The following PRKDC variants were observed in gnomAD, a reference collection of about 807,000 sequenced individuals.
PRKDC encodes DNA-dependent protein kinase catalytic subunit.
Under a neutral mutation model 486.9 loss-of-function variants are expected in PRKDC, and 82 were observed. The observed-to-expected ratio is 0.17, with a 90% confidence interval of 0.14 to 0.20. The LOEUF is 0.20. PRKDC is among the 10% of genes least tolerant of loss of function. The probability of loss-of-function intolerance (pLI) is 1.00; values close to 1 mark genes in which losing one functional copy is unlikely to be tolerated. For missense variants in PRKDC, 4,504 were observed against 5,038.2 expected (o/e 0.89, Z 3.21); for synonymous variants, 1,895 against 1,837.0 (o/e 1.03, Z -0.81).
At chr8:47,903,949 C>T (rs2089728292) in intron 26 of PRKDC, among the ~76,000 whole-genome samples, 1 of 152,184 alleles carries the variant, frequency 6.6e-6, no homozygotes, top group Non-Finnish European at 1.5e-5. Context: ...TTCAGTCACT[C>T]TCCCCTACCC....
intron 62 of PRKDC, 113 bp downstream of exon 62, chr8:47,828,055 T>G: frequency 9.7e-7 from 1 of 1,032,502 alleles, no homozygotes; most frequent in Non-Finnish European, 1.4e-6. Context: ...CATCTTACTC[T>G]GTTAAACACC....
rs570140547 is a variant in PRKDC at position 47,779,028 on chromosome 8, A to C, written c.11555T>G (p.Val3852Gly). The C allele has an allele frequency of 1.1e-5, 17 of 1,601,026 alleles. No homozygotes were observed. The highest frequency in any genetic ancestry group is 1.4e-5 in the Non-Finnish European group (16 of 1,173,276). The change falls in exon 81 of 86, where the codon GTT (valine) becomes GGT (glycine). Residue 3852 changes from valine (V) to glycine (G), a missense_variant. Val to Gly is a moderately radical substitution (Grantham distance 109, BLOSUM62 -3). This residue lies in a region of PRKDC where 706 missense variants were observed against 945.0 expected (regional missense o/e 0.75). Coordinates refer to ENST00000314191, the MANE Select transcript of PRKDC (RefSeq NM_006904.7). ...CTTATACATTAGCATGTAAGCTCCA[A>C]CATCATGTTTTCCTGACATTTTTGT... ...WLTKMSGKHD[V>G]GAYMLMYKGA... is the part of the protein sequence containing the mutation.
In PRKDC at chr8:47,879,526, G is replaced by C; in HGVS notation, c.5200C>G (p.Pro1734Ala). The change falls in exon 39 of 86, where the codon CCG (proline) becomes GCG (alanine). Residue 1734 changes from proline (P) to alanine (A), a missense_variant. Pro to Ala is a conservative substitution (Grantham distance 27, BLOSUM62 -1). Transcript: ENST00000314191. ...CAGTCCACATAATTATTGAACCGCG[G>C]AGTTCCTGGAGGAAATTCCCTGGAC... Reference protein sequence around the residue: ...MQSREFPPGTPRFNNYVDCMK... With the variant: ...MQSREFPPGTARFNNYVDCMK... 1 of 1,597,784 alleles carries C rather than the reference G, an allele frequency of 6.3e-7. No homozygotes were observed. The highest frequency in any genetic ancestry group is 8.5e-7 in the Non-Finnish European group (1 of 1,171,724).
At chr8:47,893,038 G>A in intron 31 of PRKDC, 101 bp downstream of exon 31, 8 of 1,386,582 alleles carry the variant, frequency 5.8e-6, no homozygotes, top group Non-Finnish European at 7.6e-6. Context: ...GTGGTGCACA[G>A]CACCTACCAT....
Position 47,953,798 on chromosome 8 carries a change from T to G in PRKDC, c.621+9A>C. 6.4e-7 allele frequency: 1 copy of G among 1,572,324 alleles called. No homozygotes were observed. The highest frequency in any genetic ancestry group is 1.2e-5 in the South Asian group (1 of 85,948). On this transcript the variant is annotated intron_variant, in intron 6 of 85. Coordinates refer to ENST00000314191, the MANE Select transcript of PRKDC (RefSeq NM_006904.7). ...CTATGGAAGCAGAATGTCATAAAGT[T>G]CATCATACCTGGGTCTTAAGTTCAC... is the stretch of plus-strand genomic sequence containing the variant.
intron 58 of PRKDC, among the ~76,000 whole-genome samples, chr8:47,835,584 C>G (rs1291549895): frequency 7.4e-6 from 1 of 135,230 alleles, no homozygotes; most frequent in Non-Finnish European, 1.5e-5. Flanking sequence ...GCCACTCACT[C>G]CAGCTCCAGC....
chr8:47,880,101 G>A (rs2089180030), intron 38 of PRKDC, among the ~76,000 whole-genome samples: 1 of 152,032 alleles, frequency 6.6e-6, no homozygotes. Flanking sequence ...CACCTGCCTT[G>A]GCCTCCCAAA....
Position 47,888,501 on chromosome 8 carries a change from C to A in PRKDC, c.4413+17G>T. 2 of 1,484,216 alleles carry A rather than the reference C, an allele frequency of 1.3e-6. No individual in the cohort carries two copies. The highest frequency in any genetic ancestry group is 1.4e-5 in the South Asian group (1 of 70,718). The allele number at this position is 1,484,216 out of a possible 1,614,324, so 91.9% of individuals were successfully genotyped here. On this transcript the variant is annotated intron_variant, in intron 34 of 85. Coordinates refer to ENST00000314191, the MANE Select transcript of PRKDC (RefSeq NM_006904.7). ...ACTAAAGCTAAAATAAATGTAAAAACAATAAGTTATAGTTACCTGAGACGG... is the reference window on the plus strand; with the variant it reads ...ACTAAAGCTAAAATAAATGTAAAAAAAATAAGTTATAGTTACCTGAGACGG...
intron 7 of PRKDC, among the ~76,000 whole-genome samples, chr8:47,950,756 G>A (rs2090614586): frequency 6.6e-6 from 1 of 152,210 alleles, no homozygotes; most frequent in Admixed American, 6.5e-5. Context: ...ACTGAGGTGG[G>A]AGGGTCACTT....
chr8:47,823,982 A>G lies in PRKDC; in HGVS notation c.8798T>C (p.Ile2933Thr), dbSNP rs1202641087. ...WVELAKLYRS[I>T]GEYDVLRGIF... Reference sequence around the variant, plus strand: ...CCCACGGAGGACGTCGTATTCTCCAATTGATCTATACAGCCTACAAAACAA... The same window carrying G: ...CCCACGGAGGACGTCGTATTCTCCAGTTGATCTATACAGCCTACAAAACAA... The change falls in exon 64 of 86, where the codon ATT becomes ACT. Residue 2933 changes from isoleucine to threonine, a missense_variant. Ile to Thr is a moderately conservative substitution (Grantham distance 89). Around this residue, in one of 6 missense-constraint regions of PRKDC, gnomAD observed 1,592 missense variants for 1,724.6 expected, o/e 0.92. Transcript: ENST00000314191. The G allele has an allele frequency of 6.2e-7, 1 of 1,612,792 alleles. No individual in the cohort carries two copies. The highest frequency in any genetic ancestry group is 8.5e-7 in the Non-Finnish European group (1 of 1,179,176).
intron 34 of PRKDC, among the ~76,000 whole-genome samples, chr8:47,888,170 A>G (rs1002063129): frequency 6.6e-6 from 1 of 152,282 alleles, no homozygotes; most frequent in Admixed American, 6.5e-5. Flanking sequence ...GAGCCACTGT[A>G]TCTGGCTCAA....
At chr8:47,905,006 C>G in intron 25 of PRKDC, 30 bp from the exon 26 acceptor site, 1 of 1,479,674 alleles carries the variant, frequency 6.8e-7, no homozygotes, top group South Asian at 1.2e-5. Flanking sequence ...AAAGTTAATT[C>G]CCTTCATGTT....
intron 32 of PRKDC, among the ~76,000 whole-genome samples, chr8:47,889,425 G>C (rs990570041): frequency 6.6e-6 from 1 of 152,230 alleles, no homozygotes; most frequent in Non-Finnish European, 1.5e-5. Flanking sequence ...TGATAAGAAA[G>C]CAGCACAGAC....
intron 50 of PRKDC, 121 bp from the exon 51 acceptor site, chr8:47,854,335 C>T: frequency 1.7e-6 from 2 of 1,150,922 alleles, no homozygotes; most frequent in South Asian, 2.9e-5. Context: ...GGCTGGAGTG[C>T]AGTGGCGTGA....
chr8:47,955,793 C>T, intron 4 of PRKDC, 81 bp downstream of exon 4: 2 of 1,178,498 alleles, frequency 1.7e-6, no homozygotes, highest in East Asian at 2.5e-5. Context: ...ACACATCACC[C>T]AAAACACAAC....
intron 3 of PRKDC, among the ~76,000 whole-genome samples, 179 bp from the exon 4 acceptor site, chr8:47,956,127 C>T (rs954784118): frequency 3.3e-5 from 5 of 152,110 alleles, no homozygotes; most frequent in South Asian, 4.1e-4. Flanking sequence ...CTTTGGGAGG[C>T]GGAGGTAGGC....
At chr8:47,873,728 A>T (rs191424410) in intron 40 of PRKDC, among the ~76,000 whole-genome samples, 121 of 152,334 alleles carry the variant, frequency 7.9e-4, no homozygotes, top group Non-Finnish European at 1.1e-3. Context: ...ACTGGAAATC[A>T]GTATCTTATG....
chr8:47,909,361 T>C (rs2089854680), intron 25 of PRKDC, among the ~76,000 whole-genome samples: 1 of 152,266 alleles, frequency 6.6e-6, no homozygotes, highest in African/African-American at 2.4e-5. Context: ...CATTCATCAC[T>C]TCCCCAATCA....
intron 53 of PRKDC, 23 bp from the exon 54 acceptor site, chr8:47,849,326 A>G: frequency 1.2e-6 from 2 of 1,613,892 alleles, no homozygotes; most frequent in Non-Finnish European, 1.7e-6. Flanking sequence ...GGAACTGGTG[A>G]GAGGAGGGCC....
Sources: allele counts gnomAD v4.1 joint callset (sites outside exome capture counted in the v4.1 genomes callset), GRCh38; gene constraint gnomAD v4.1.1; regional missense constraint gnomAD v4.1.1; transcripts MANE v1.5; gene names NCBI Gene and HGNC (gene_info 2026-07-23, HGNC 2026-07-21).